NBEA: variants seen among roughly 807,000 people sequenced by gnomAD.
NBEA encodes lysosomal-trafficking regulator 2.
Under a neutral mutation model 343.4 loss-of-function variants are expected in NBEA, and 44 were observed. The ratio of observed to expected loss-of-function variants is 0.13; its 90% CI spans 0.10 to 0.16. NBEA has a LOEUF of 0.16. Among genes scored for constraint, NBEA ranks in the 10% least tolerant of loss-of-function variants. NBEA has a pLI of 1.00. For missense variants in NBEA, 2,555 were observed against 3,631.3 expected, an observed-to-expected ratio of 0.70 and a Z score of 7.62; for synonymous variants, 1,175 against 1,238.7, an observed-to-expected ratio of 0.95 and a Z score of 1.08.
At chr13:34,960,903 C>G (rs568914366) in intron 1 of NBEA, among the ~76,000 whole-genome samples, 1 of 152,220 alleles carries the variant, frequency 6.6e-6, no homozygotes, top group Admixed American at 6.5e-5. Context: ...GTGATGTGCA[C>G]TCTGAAAGAT....
intron 16 of NBEA, among the ~76,000 whole-genome samples, chr13:35,121,118 A>AT (rs1477562591): frequency 5.3e-5 from 8 of 150,330 alleles, no homozygotes; most frequent in East Asian, 2.0e-4. Flanking sequence ...TAATTTTTTA[A>AT]TTTTTTTTTA....
At chr13:34,976,158 A>G (rs1194614006) in intron 1 of NBEA, among the ~76,000 whole-genome samples, 1 of 152,212 alleles carries the variant, frequency 6.6e-6, no homozygotes, top group African/African-American at 2.4e-5. Flanking sequence ...CAATTGCAAA[A>G]ATATGGAATC....
At chr13:35,015,617 G>T (rs1380023808) in intron 1 of NBEA, among the ~76,000 whole-genome samples, 1 of 151,652 alleles carries the variant, frequency 6.6e-6, no homozygotes, top group Middle Eastern at 3.4e-3. Flanking sequence ...TTTAATTCAA[G>T]TCATATAGTC....
intron 35 of NBEA, among the ~76,000 whole-genome samples, chr13:35,306,674 G>A (rs1313234827): frequency 6.6e-6 from 1 of 151,982 alleles, no homozygotes; most frequent in South Asian, 2.1e-4. Flanking sequence ...GACTTTGAAA[G>A]TAATATTTGT....
At chr13:35,409,488 T>C (rs2043462611) in intron 38 of NBEA, among the ~76,000 whole-genome samples, 1 of 151,854 alleles carries the variant, frequency 6.6e-6, no homozygotes, top group Non-Finnish European at 1.5e-5. Flanking sequence ...ACCCCTGAAC[T>C]TAAAAGTTAA....
intron 36 of NBEA, among the ~76,000 whole-genome samples, chr13:35,323,744 A>G (rs964013395): frequency 6.6e-6 from 1 of 151,882 alleles, no homozygotes; most frequent in African/African-American, 2.4e-5. Flanking sequence ...AAAATAAAAT[A>G]TATCTACTTA....
At chr13:35,661,040 C>T (rs751226215) in intron 55 of NBEA, among the ~76,000 whole-genome samples, 3 of 152,194 alleles carry the variant, frequency 2.0e-5, no homozygotes, top group Non-Finnish European at 4.4e-5. Flanking sequence ...CACCAGTAGA[C>T]TTTCCAGGGT....
At chr13:35,631,638 TAAAAAAAAAAA>T (rs59333937) in intron 49 of NBEA, among the ~76,000 whole-genome samples, 1 of 126,488 alleles carries the variant, frequency 7.9e-6, no homozygotes. Flanking sequence ...GTCTCCTTTG[TAAAAAAAAAAA>T]AAAAAAAAAA....
At chr13:35,140,176 A>G (rs1377552197) in intron 17 of NBEA, among the ~76,000 whole-genome samples, 1 of 150,552 alleles carries the variant, frequency 6.6e-6, no homozygotes, top group East Asian at 1.9e-4. Flanking sequence ...ATGCCCAGCT[A>G]ATTTTTTTTT....
chr13:35,182,555 A>G, intron 29 of NBEA, 27 bp downstream of exon 29: 2 of 1,575,044 alleles, frequency 1.3e-6, no homozygotes, highest in East Asian at 2.3e-5. Context: ...AATTATTTGA[A>G]TTTTCACCAT....
At chr13:35,292,940 G>A (rs992616112) in intron 35 of NBEA, among the ~76,000 whole-genome samples, 2 of 151,944 alleles carry the variant, frequency 1.3e-5, no homozygotes, top group Non-Finnish European at 2.9e-5. Context: ...AAAAGAAAAT[G>A]CAATATTGTG....
intron 45 of NBEA, among the ~76,000 whole-genome samples, chr13:35,568,320 C>T (rs756660311): frequency 3.9e-5 from 6 of 152,134 alleles, no homozygotes; most frequent in Non-Finnish European, 8.8e-5. Flanking sequence ...CCTAAAAGAT[C>T]AGTTAGCCAA....
intron 33 of NBEA, among the ~76,000 whole-genome samples, chr13:35,221,759 C>A (rs1010892793): frequency 6.6e-6 from 1 of 152,076 alleles, no homozygotes; most frequent in African/African-American, 2.4e-5. Context: ...AATCATAAAT[C>A]AGATAAACCT....
intron 1 of NBEA, among the ~76,000 whole-genome samples, chr13:34,996,192 C>T (rs2060933968): frequency 6.6e-6 from 1 of 152,082 alleles, no homozygotes; most frequent in Admixed American, 6.6e-5. Context: ...GTGATTATTA[C>T]TGTAAAGCTT....
At chr13:35,498,250 A>C (rs1468602979) in intron 41 of NBEA, among the ~76,000 whole-genome samples, 2 of 151,960 alleles carry the variant, frequency 1.3e-5, no homozygotes, top group Non-Finnish European at 2.9e-5. Context: ...CTCATTGCTA[A>C]TCTTGTTTTT....
intron 34 of NBEA, among the ~76,000 whole-genome samples, chr13:35,273,117 A>G (rs965401347): frequency 6.6e-6 from 1 of 152,238 alleles, no homozygotes; most frequent in African/African-American, 2.4e-5. Flanking sequence ...AACACCCCTC[A>G]GCAAATGAAA....
At chr13:35,039,790 T>C (rs2062582128) in intron 1 of NBEA, among the ~76,000 whole-genome samples, 1 of 152,200 alleles carries the variant, frequency 6.6e-6, no homozygotes, top group Non-Finnish European at 1.5e-5. Flanking sequence ...ATCCTAATTC[T>C]ACTCCCTGTC....
chr13:35,236,617 T>TG (rs199737167), intron 34 of NBEA, among the ~76,000 whole-genome samples: 1 of 136,154 alleles, frequency 7.3e-6, no homozygotes, highest in South Asian at 2.4e-4. Flanking sequence ...CAGATATATA[T>TG]TTTTTTTTTT....
At chr13:35,259,794 T>C (rs932026885) in intron 34 of NBEA, among the ~76,000 whole-genome samples, 1 of 152,170 alleles carries the variant, frequency 6.6e-6, no homozygotes, top group Non-Finnish European at 1.5e-5. Context: ...CTGAAATTTT[T>C]TAGGTATGTA....
Sources: allele counts gnomAD v4.1 joint callset (sites outside exome capture counted in the v4.1 genomes callset), GRCh38; gene constraint gnomAD v4.1.1; transcripts MANE v1.5; gene names NCBI Gene and HGNC (gene_info 2026-07-23, HGNC 2026-07-21).